CLVS1: variants seen among roughly 807,000 people sequenced by gnomAD.
CLVS1 encodes the protein clavesin-1.
In CLVS1, 10 loss-of-function variants were observed where a neutral mutation model predicts 33.1. The ratio of observed to expected loss-of-function variants is 0.30; its 90% CI spans 0.19 to 0.51. The LOEUF (loss-of-function observed/expected upper bound fraction) is 0.51. Ranked by LOEUF, CLVS1 falls within the 20% of genes least tolerant of loss-of-function variation. The pLI, the probability that CLVS1 is intolerant of heterozygous loss-of-function variation, is 0.97. For missense variants in CLVS1, 343 were observed against 433.4 expected, an observed-to-expected ratio of 0.79 and a Z score of 1.85; for synonymous variants, 163 against 166.1, an observed-to-expected ratio of 0.98 and a Z score of 0.14.
At chr8:61,289,765 A>G (rs895768932) in intron 1 of CLVS1, among the ~76,000 whole-genome samples, 1 of 152,246 alleles carries the variant, frequency 6.6e-6, no homozygotes, top group Non-Finnish European at 1.5e-5. Context: ...ACAAATATGT[A>G]TCTTGCGGAA....
intron 1 of CLVS1, among the ~76,000 whole-genome samples, chr8:61,080,913 TG>T (rs1255316668): frequency 2.0e-5 from 3 of 152,134 alleles, no homozygotes. Flanking sequence ...AGGTGGTGTT[TG>T]AAGAATAGAT....
At chr8:61,030,305 G>A in the CLVS1 span, among the ~76,000 whole-genome samples, 103 of 152,154 alleles carry the variant, frequency 6.8e-4, 1 homozygote, top group African/African-American at 2.2e-3. Context: ...AGGTGGCAGC[G>A]GGGTGGGGGG....
chr8:61,365,908 T>A (rs903301767), intron 2 of CLVS1, among the ~76,000 whole-genome samples: 6 of 152,128 alleles, frequency 3.9e-5, no homozygotes, highest in African/African-American at 1.4e-4. Flanking sequence ...GGTGTAAACC[T>A]TGACTGAAAA....
intron 1 of CLVS1, among the ~76,000 whole-genome samples, chr8:61,291,179 A>T (rs1467055536): frequency 6.6e-6 from 1 of 152,146 alleles, no homozygotes; most frequent in Non-Finnish European, 1.5e-5. Context: ...ATACCTTCTC[A>T]GGTCAGGTTG....
intron 2 of CLVS1, among the ~76,000 whole-genome samples, chr8:61,263,021 T>A (rs888623514): frequency 6.6e-5 from 10 of 152,182 alleles, no homozygotes; most frequent in African/African-American, 2.4e-4. Flanking sequence ...AAGATGAATG[T>A]AATTTTTAGT....
chr8:61,439,640 T>A (rs1816468800), intron 3 of CLVS1, among the ~76,000 whole-genome samples: 2 of 152,226 alleles, frequency 1.3e-5, no homozygotes, highest in Non-Finnish European at 2.9e-5. Context: ...TTCTTCATAC[T>A]AAAGGATTTC....
At chr8:61,163,716 A>G (rs1294591037) in intron 2 of CLVS1, among the ~76,000 whole-genome samples, 2 of 152,174 alleles carry the variant, frequency 1.3e-5, no homozygotes, top group Non-Finnish European at 2.9e-5. Context: ...GAACCCAGCA[A>G]CTAGTGTTCA....
At chr8:61,478,182 C>T (rs907733597) in intron 5 of CLVS1, among the ~76,000 whole-genome samples, 2 of 152,126 alleles carry the variant, frequency 1.3e-5, no homozygotes, top group African/African-American at 2.4e-5. Flanking sequence ...GTCTGAGAGA[C>T]AGTTTGTTAT....
At chr8:61,132,863 G>A (rs1045916968) in intron 2 of CLVS1, among the ~76,000 whole-genome samples, 4 of 152,164 alleles carry the variant, frequency 2.6e-5, no homozygotes, top group African/African-American at 9.7e-5. Flanking sequence ...ATTAGTGGAG[G>A]GGGCATTTGG....
intron 5 of CLVS1, among the ~76,000 whole-genome samples, chr8:61,476,972 A>T (rs957236161): frequency 1.3e-5 from 2 of 152,200 alleles, no homozygotes; most frequent in African/African-American, 4.8e-5. Context: ...GATACATCCC[A>T]TCAATACCTA....
chr8:61,196,251 A>G (rs1427916881), intron 2 of CLVS1, among the ~76,000 whole-genome samples: 1 of 152,192 alleles, frequency 6.6e-6, no homozygotes, highest in Non-Finnish European at 1.5e-5. Context: ...TGGGCTCTAA[A>G]CAGGTAAAAT....
At chr8:60,979,751 G>T in the CLVS1 span, among the ~76,000 whole-genome samples, 9 of 152,186 alleles carry the variant, frequency 5.9e-5, no homozygotes, top group Non-Finnish European at 1.3e-4. Flanking sequence ...GTTGTAGCTG[G>T]GGTGGGAAGG....
chr8:61,053,976 C>T (rs187655773), upstream of CLVS1, among the ~76,000 whole-genome samples: 251 of 152,292 alleles, frequency 1.6e-3, no homozygotes, highest in African/African-American at 6.0e-3. Context: ...TTCCATATTT[C>T]ATTTCCTAGA....
At chr8:61,481,209 C>T (rs2129608195) in intron 5 of CLVS1, among the ~76,000 whole-genome samples, 1 of 152,194 alleles carries the variant, frequency 6.6e-6, no homozygotes, top group Middle Eastern at 3.4e-3. Context: ...AGCCCTAGCT[C>T]TGCAATTTGG....
chr8:60,965,648 A>G, the CLVS1 span, among the ~76,000 whole-genome samples: 3 of 152,176 alleles, frequency 2.0e-5, no homozygotes, highest in African/African-American at 7.2e-5. Flanking sequence ...GCAGGAAGAC[A>G]GAGCCACCTC....
chr8:60,999,087 G>C, the CLVS1 span, among the ~76,000 whole-genome samples: 1 of 152,130 alleles, frequency 6.6e-6, no homozygotes, highest in Non-Finnish European at 1.5e-5. Context: ...TGGAGTGCAG[G>C]GTGGGAGAGG....
intron 2 of CLVS1, among the ~76,000 whole-genome samples, chr8:61,162,862 T>C (rs1164441874): frequency 6.6e-6 from 1 of 152,176 alleles, no homozygotes; most frequent in Non-Finnish European, 1.5e-5. Flanking sequence ...GAAAACACTC[T>C]CTCTGCTTGC....
At chr8:61,293,231 C>T (rs1433664388) in intron 1 of CLVS1, among the ~76,000 whole-genome samples, 2 of 152,152 alleles carry the variant, frequency 1.3e-5, no homozygotes, top group Admixed American at 6.5e-5. Flanking sequence ...TTCAGAGTCT[C>T]CTCTCTATCC....
At chr8:61,189,667 G>C (rs1324957231) in intron 2 of CLVS1, among the ~76,000 whole-genome samples, 1 of 152,134 alleles carries the variant, frequency 6.6e-6, no homozygotes, top group Non-Finnish European at 1.5e-5. Flanking sequence ...AAAATAAAGG[G>C]ATGGAGGAAG....
Sources: gnomAD v4.1 joint callset for allele counts (sites outside exome capture counted in the v4.1 genomes callset) on GRCh38, gnomAD v4.1.1 for gene constraint, MANE v1.5 for transcripts, NCBI Gene and HGNC (gene_info 2026-07-23, HGNC 2026-07-21) for gene names.